SGK1: variants seen among roughly 807,000 people sequenced by gnomAD.
SGK1 encodes the protein serum/glucocorticoid regulated kinase 1.
A neutral mutation model predicts 64.2 loss-of-function variants in SGK1; 26 were observed. The ratio of observed to expected loss-of-function variants is 0.40; its 90% CI spans 0.30 to 0.56. The LOEUF (loss-of-function observed/expected upper bound fraction) is 0.56, where lower values mean the gene tolerates loss of function less well. Among genes scored for constraint, SGK1 ranks in the 20% least tolerant of loss-of-function variants. The pLI is 0.38. For synonymous variants in SGK1, 265 were observed against 239.7 expected (o/e 1.11, Z -0.98); for missense variants, 519 against 645.6 (o/e 0.80, Z 2.12).
chr6:134,265,184 G>A (rs1267777823), intron 1 of SGK1, among the ~76,000 whole-genome samples: 1 of 152,118 alleles, frequency 6.6e-6, no homozygotes, highest in East Asian at 1.9e-4. Context: ...TATAGGCCGG[G>A]TGCAGTGGCT....
At chr6:134,232,413 G>GAAAGAAAGAAAGAA (rs79009962) in intron 2 of SGK1, among the ~76,000 whole-genome samples, 1 of 47,706 alleles carries the variant, frequency 2.1e-5, no homozygotes, top group Non-Finnish European at 4.2e-5. Context: ...AAGAAAGAAA[G>GAAAGAAAGAAAGAA]AGAAAGAAAG....
chr6:134,298,245 C>T, intron 1 of SGK1: 2 of 1,578,654 alleles, frequency 1.3e-6, no homozygotes, highest in Admixed American at 1.7e-5. Flanking sequence ...CCCGAGTCTC[C>T]AGCTGCCGCC....
At chr6:134,260,860 C>T (rs1410724047) in intron 2 of SGK1, 1 of 152,146 alleles carries the variant, frequency 6.6e-6, no homozygotes, top group Non-Finnish European at 1.5e-5. Context: ...TAACGTTTAT[C>T]ATTCTATGAT....
chr6:134,286,536 G>A (rs1052669805), intron 1 of SGK1, among the ~76,000 whole-genome samples: 30 of 147,118 alleles, frequency 2.0e-4, no homozygotes, highest in African/African-American at 6.8e-4. Flanking sequence ...GCGCGATCTC[G>A]GCTCACTGCA....
chr6:134,251,192 T>G (rs540750018), intron 2 of SGK1, among the ~76,000 whole-genome samples: 1 of 152,176 alleles, frequency 6.6e-6, no homozygotes, highest in African/African-American at 2.4e-5. Flanking sequence ...GAAAAATATA[T>G]GTATAATGAT....
At chr6:134,294,524 T>C (rs1777311511) in intron 1 of SGK1, among the ~76,000 whole-genome samples, 3 of 152,186 alleles carry the variant, frequency 2.0e-5, no homozygotes, top group East Asian at 1.9e-4. Context: ...ATTTTACTTA[T>C]AAATTTGTGT....
chr6:134,309,352 T>C (rs1298089012), intron 1 of SGK1, among the ~76,000 whole-genome samples: 1 of 152,186 alleles, frequency 6.6e-6, no homozygotes, highest in African/African-American at 2.4e-5. Context: ...CTGTCTGCTT[T>C]TCCTGTCCTC....
chr6:134,177,312 C>G (rs1360562558), intron 3 of SGK1, among the ~76,000 whole-genome samples: 5 of 152,192 alleles, frequency 3.3e-5, no homozygotes, highest in Non-Finnish European at 7.3e-5. Context: ...TAGGCAATTT[C>G]AAATCACAGT....
intron 3 of SGK1, among the ~76,000 whole-genome samples, chr6:134,206,140 A>G (rs890569689): frequency 2.0e-5 from 3 of 151,884 alleles, no homozygotes; most frequent in Non-Finnish European, 2.9e-5. Flanking sequence ...GTGCAAGTAT[A>G]CATGCCCTCC....
rs115375056 is a variant in SGK1 at position 134,297,901 on chromosome 6, G to A, written c.69+19491C>T. 2,295 of 807,112 alleles carry A rather than the reference G, an allele frequency of 2.8e-3. 47 individuals are homozygous for A. In the African/African-American group the frequency reaches 0.035, roughly 12 times the overall value. The allele number at this position is 807,112 out of a possible 1,614,324, so 50.0% of individuals were successfully genotyped here. ...TGGTACATGCTCTCAGCCTCACTCCGGCTGCGGTTGGTGATCTCCTCGTAC... is the reference window on the plus strand; with the variant it reads ...TGGTACATGCTCTCAGCCTCACTCCAGCTGCGGTTGGTGATCTCCTCGTAC... On this transcript the variant is annotated intron_variant, in intron 1 of 13. Coordinates refer to ENST00000367858, the MANE Select transcript of SGK1 (RefSeq NM_001143676.3).
intron 1 of SGK1, among the ~76,000 whole-genome samples, chr6:134,285,246 G>A (rs1777163753): frequency 2.0e-5 from 3 of 152,206 alleles, no homozygotes; most frequent in Middle Eastern, 6.8e-3. Flanking sequence ...ATTGCCTGAG[G>A]TCGGCAGATT....
chr6:134,183,606 C>T lies in SGK1; in HGVS notation c.362-9020G>A, dbSNP rs546876678. Among the ~76,000 whole-genome samples the T allele has an allele frequency of 1.8e-4, 28 of 152,168 alleles. No homozygotes were observed. The South Asian group carries it at 2.5e-3, about 14-fold the overall frequency. On this transcript the variant is annotated intron_variant, in intron 3 of 13. Transcript: ENST00000367858. The stretch of plus-strand genomic sequence containing the variant: ...GACATTTCTGATTTTCCTCAGGCCC[C>T]GCTATGCCTTAATGTCATTAAAGTA...
intron 1 of SGK1, among the ~76,000 whole-genome samples, chr6:134,266,097 C>T (rs922968540): frequency 2.0e-5 from 3 of 152,012 alleles, no homozygotes; most frequent in Non-Finnish European, 2.9e-5. Flanking sequence ...GATTCTCCTC[C>T]CTCAGCCTCC....
At chr6:134,241,964 G>A (rs983100773) in intron 2 of SGK1, among the ~76,000 whole-genome samples, 1 of 152,086 alleles carries the variant, frequency 6.6e-6, no homozygotes, top group East Asian at 1.9e-4. Flanking sequence ...CAAGATGGGA[G>A]GGCAGAGGGA....
intron 2 of SGK1, among the ~76,000 whole-genome samples, chr6:134,254,994 G>A (rs913154542): frequency 6.6e-6 from 1 of 151,860 alleles, no homozygotes; most frequent in Non-Finnish European, 1.5e-5. Flanking sequence ...TCAACCTCCC[G>A]AGTAGCTGAG....
chr6:134,191,071 A>G (rs1412172010), intron 3 of SGK1, among the ~76,000 whole-genome samples: 1 of 152,196 alleles, frequency 6.6e-6, no homozygotes, highest in Admixed American at 6.5e-5. Context: ...ATTTCTAAAA[A>G]TAACCCAACA....
intron 2 of SGK1, among the ~76,000 whole-genome samples, chr6:134,232,431 G>GA (rs1161974929): frequency 3.8e-5 from 1 of 26,524 alleles, no homozygotes; most frequent in African/African-American, 1.3e-4. Flanking sequence ...AAGAAAGAAA[G>GA]AAAGAAAGAA....
intron 3 of SGK1, chr6:134,176,133 G>T (rs1033527826): frequency 1.3e-4 from 37 of 287,482 alleles, no homozygotes; most frequent in Non-Finnish European, 1.9e-4. Context: ...GCTTTGCCCG[G>T]GGGCAGACCT....
At chr6:134,295,655 A>C (rs911943355) in intron 1 of SGK1, among the ~76,000 whole-genome samples, 11 of 151,490 alleles carry the variant, frequency 7.3e-5, no homozygotes, top group Non-Finnish European at 1.3e-4. Context: ...GTGAGCTGAG[A>C]TCGTGCCACT....
Sources: gnomAD v4.1 joint callset for allele counts (sites outside exome capture counted in the v4.1 genomes callset) on GRCh38, gnomAD v4.1.1 for gene constraint, MANE v1.5 for transcripts, NCBI Gene and HGNC (gene_info 2026-07-23, HGNC 2026-07-21) for gene names.